Variants in WWOX observed in about 807,000 individuals in gnomAD.
WWOX encodes the protein WW domain containing oxidoreductase, also known as WW domain-containing oxidoreductase.
In WWOX, 69 loss-of-function variants were observed where a neutral mutation model predicts 46.2. That is an observed-to-expected ratio of 1.49 (90% CI 1.23 to 1.82). WWOX has a LOEUF of 1.82. Among genes scored for constraint, WWOX ranks in the 40% most tolerant of loss-of-function variants. The pLI is 0.00. For missense variants in WWOX, 919 were observed against 542.6 expected, an observed-to-expected ratio of 1.69 and a Z score of -6.89; for synonymous variants, 359 against 202.6, an observed-to-expected ratio of 1.77 and a Z score of -6.56.
chr16:78,196,437 A>G (rs920849449), intron 5 of WWOX, among the ~76,000 whole-genome samples: 17 of 152,226 alleles, frequency 1.1e-4, no homozygotes, highest in African/African-American at 3.4e-4. Flanking sequence ...GCAAAGAGAA[A>G]TCTGAGCTGC....
intron 8 of WWOX, among the ~76,000 whole-genome samples, chr16:78,471,479 A>G (rs1243987691): frequency 6.6e-6 from 1 of 152,204 alleles, no homozygotes; most frequent in South Asian, 2.1e-4. Flanking sequence ...GACGTTCTCC[A>G]TCGTTTGGAT....
intron 8 of WWOX, among the ~76,000 whole-genome samples, chr16:78,760,721 A>T (rs2049771013): frequency 6.6e-6 from 1 of 152,044 alleles, no homozygotes; most frequent in Non-Finnish European, 1.5e-5. Context: ...GGGACATGAG[A>T]CTCTTTGAGG....
chr16:78,641,502 A>G (rs759412350), intron 8 of WWOX, among the ~76,000 whole-genome samples: 5 of 152,102 alleles, frequency 3.3e-5, no homozygotes, highest in Non-Finnish European at 7.3e-5. Flanking sequence ...GCTCTATTTA[A>G]TCAACTGCAG....
chr16:79,132,865 A>G (rs1455802732), intron 8 of WWOX, among the ~76,000 whole-genome samples: 1 of 152,172 alleles, frequency 6.6e-6, no homozygotes, highest in Non-Finnish European at 1.5e-5. Flanking sequence ...TTTATCACAT[A>G]AATATGCTTC....
chr16:78,882,657 T>G (rs1261274216), intron 8 of WWOX, among the ~76,000 whole-genome samples: 5 of 151,914 alleles, frequency 3.3e-5, no homozygotes, highest in African/African-American at 9.7e-5. Flanking sequence ...CCAGCTAACT[T>G]TTGTATTTTT....
At position 78,347,905 on chromosome 16, in the gene WWOX, A is replaced by C. The variant is rs1450393943; in HGVS notation, c.517-38955A>C. Among the ~76,000 whole-genome samples, 3 of 122,404 alleles carry C rather than the reference A, an allele frequency of 2.5e-5. No individual in the cohort carries two copies. In the East Asian group the frequency reaches 5.8e-4, roughly 24 times the overall value. 80.3% of individuals were successfully genotyped at this position (122,404 alleles called of 152,430 possible). ...CATATCTTAAAAGTGGATTCCTCAT[A>C]AAACAATATGGACTATGGTCTTATT... is the stretch of plus-strand genomic sequence containing the variant. On this transcript the variant is annotated intron_variant, in intron 5 of 8. Transcript: ENST00000566780.
At chr16:78,871,722 T>C (rs561889972) in intron 8 of WWOX, among the ~76,000 whole-genome samples, 2 of 152,106 alleles carry the variant, frequency 1.3e-5, no homozygotes, top group African/African-American at 4.8e-5. Flanking sequence ...GCCTCAGCCT[T>C]CCAAGCAGCT....
chr16:78,186,142 A>G (rs374952807), intron 5 of WWOX, among the ~76,000 whole-genome samples: 1 of 152,202 alleles, frequency 6.6e-6, no homozygotes, highest in African/African-American at 2.4e-5. Context: ...AAAAATCTTA[A>G]TTAACATTTT....
chr16:78,155,221 G>C (rs2034557975), intron 4 of WWOX, among the ~76,000 whole-genome samples: 1 of 151,558 alleles, frequency 6.6e-6, no homozygotes, highest in Non-Finnish European at 1.5e-5. Context: ...AGAAAAGAAA[G>C]GAGAGAAGGA....
chr16:78,921,721 A>C (rs958690072), intron 8 of WWOX, among the ~76,000 whole-genome samples: 1 of 152,134 alleles, frequency 6.6e-6, no homozygotes, highest in Non-Finnish European at 1.5e-5. Flanking sequence ...GTGTGTGTCT[A>C]AACTTCTCAT....
At chr16:79,128,073 C>T (rs373980444) in intron 8 of WWOX, among the ~76,000 whole-genome samples, 4 of 152,024 alleles carry the variant, frequency 2.6e-5, no homozygotes, top group Non-Finnish European at 4.4e-5. Flanking sequence ...GATTTGGTTA[C>T]CCCCTTCTCC....
At chr16:78,481,455 G>C (rs1416275712) in intron 8 of WWOX, among the ~76,000 whole-genome samples, 2 of 152,108 alleles carry the variant, frequency 1.3e-5, no homozygotes, top group Admixed American at 6.5e-5. Flanking sequence ...GATTGAAAGA[G>C]TCATGGCATA....
chr16:78,942,964 A>C (rs1175375720), intron 8 of WWOX, among the ~76,000 whole-genome samples: 1 of 152,210 alleles, frequency 6.6e-6, no homozygotes, highest in Non-Finnish European at 1.5e-5. Flanking sequence ...TAAATAATGC[A>C]GCAGTCTTGG....
rs560419078 is a variant in WWOX at position 78,851,912 on chromosome 16, G to A, written c.1057-359696G>A. 9.2e-5 allele frequency among the ~76,000 whole-genome samples: 14 copies of A among 152,194 alleles called. No individual in the cohort carries two copies. The South Asian group carries it at 2.1e-3, about 23-fold the overall frequency. On this transcript the variant is annotated intron_variant, in intron 8 of 8. Coordinates refer to ENST00000566780, the MANE Select transcript of WWOX (RefSeq NM_016373.4). Reference sequence around the variant, plus strand: ...AAATAATTTCATTTAAACCCTTCATGCCCATCTTCAGCATCATTGCTAAAG... The same window carrying A: ...AAATAATTTCATTTAAACCCTTCATACCCATCTTCAGCATCATTGCTAAAG...
intron 8 of WWOX, among the ~76,000 whole-genome samples, chr16:78,964,661 T>C (rs998387221): frequency 1.3e-5 from 2 of 152,190 alleles, no homozygotes; most frequent in African/African-American, 4.8e-5. Flanking sequence ...GAAATTTGTG[T>C]AAGTGGCAAG....
At chr16:79,191,369 T>C (rs444443) in intron 8 of WWOX, among the ~76,000 whole-genome samples, 97,975 of 151,872 alleles carry the variant, frequency 0.65, 32,316 homozygotes, top group Non-Finnish European at 0.72. Context: ...GACTTCTCTT[T>C]ATGGGAGAGA....
At chr16:78,640,265 C>T (rs1238833192) in intron 8 of WWOX, among the ~76,000 whole-genome samples, 5 of 118,094 alleles carry the variant, frequency 4.2e-5, no homozygotes, top group Admixed American at 1.0e-4. Context: ...GGCTTTTGCG[C>T]CTATGGTGAC....
chr16:78,108,493 T>C lies in WWOX; in HGVS notation c.172+6T>C. 1.2e-6 allele frequency: 2 copies of C among 1,613,600 alleles called. No individual in the cohort carries two copies. Among genetic ancestry groups the C allele is most frequent in the Non-Finnish European group, 1.7e-6 (2 of 1,179,730 alleles). ...AAGAAAACGAGTGGCAGGAGGTTTG[T>C]ATGTTGTTGTCTAAGGATCTTGGAT... On this transcript the variant is annotated splice_donor_region_variant and intron_variant, in intron 2 of 8. Coordinates refer to ENST00000566780, the MANE Select transcript of WWOX (RefSeq NM_016373.4).
rs528506579 is a variant in WWOX at position 78,601,040 on chromosome 16, A to T, written c.1056+168288A>T. Among the ~76,000 whole-genome samples the T allele has an allele frequency of 9.7e-4, 148 of 152,280 alleles. 1 individual carries two copies. The highest frequency in any genetic ancestry group is 3.4e-3 in the African/African-American group (140 of 41,558). On this transcript the variant is annotated intron_variant, in intron 8 of 8. Coordinates refer to ENST00000566780, the MANE Select transcript of WWOX (RefSeq NM_016373.4). The stretch of plus-strand genomic sequence containing the variant: ...GCACCCTCAACCTCGTTCAGTTTCC[A>T]CATAATACCTGGGGCAGGGATGTAA...
Sources: gnomAD v4.1 joint callset for allele counts (sites outside exome capture counted in the v4.1 genomes callset) on GRCh38, gnomAD v4.1.1 for gene constraint, MANE v1.5 for transcripts, NCBI Gene and HGNC (gene_info 2026-07-23, HGNC 2026-07-21) for gene names.